Variants in CACNA1C observed in about 807,000 individuals in gnomAD.
The protein encoded by CACNA1C is voltage-dependent L-type calcium channel subunit alpha-1C.
A neutral mutation model predicts 229.0 loss-of-function variants in CACNA1C; 30 were observed. That is an observed-to-expected ratio of 0.13 (90% CI 0.10 to 0.18). CACNA1C has a LOEUF of 0.18. Ranked by LOEUF, CACNA1C falls within the 10% of genes least tolerant of loss-of-function variation. CACNA1C has a pLI of 1.00. For missense variants in CACNA1C, 1,658 were observed against 2,845.0 expected, an observed-to-expected ratio of 0.58 and a Z score of 9.49; for synonymous variants, 1,114 against 1,132.5, an observed-to-expected ratio of 0.98 and a Z score of 0.33.
At chr12:2,589,745 G>A (rs1167724377) in intron 18 of CACNA1C, among the ~76,000 whole-genome samples, 1 of 152,300 alleles carries the variant, frequency 6.6e-6, no homozygotes, top group South Asian at 2.1e-4. Context: ...GCAGAATGGG[G>A]GCAGGGAGGA....
chr12:2,278,638 TC>T (rs1367505027), intron 3 of CACNA1C, among the ~76,000 whole-genome samples: 1 of 152,230 alleles, frequency 6.6e-6, no homozygotes, highest in Non-Finnish European at 1.5e-5. Flanking sequence ...AGTTTATCCA[TC>T]CATGTTGAGC....
At chr12:1,986,012 ACCGTGTTAGC>A (rs2037617987) in intron 1 of CACNA1C, among the ~76,000 whole-genome samples, 1 of 151,972 alleles carries the variant, frequency 6.6e-6, no homozygotes, top group Non-Finnish European at 1.5e-5. Flanking sequence ...ATGGAGTTTC[ACCGTGTTAGC>A]CAGGATGGTC....
chr12:2,213,455 G>A (rs2059186124), intron 3 of CACNA1C, among the ~76,000 whole-genome samples: 3 of 152,234 alleles, frequency 2.0e-5, no homozygotes, highest in Middle Eastern at 3.4e-3. Flanking sequence ...AGGAGGAGGC[G>A]GCGAGATTAT....
chr12:2,031,975 G>A (rs1487618509), intron 1 of CACNA1C, among the ~76,000 whole-genome samples: 1 of 128,252 alleles, frequency 7.8e-6, no homozygotes, highest in African/African-American at 3.5e-5. Flanking sequence ...TTCTGTGTGA[G>A]TGTGTGTGTG....
intron 37 of CACNA1C, among the ~76,000 whole-genome samples, chr12:2,667,888 G>A (rs748442496): frequency 1.3e-5 from 2 of 152,196 alleles, no homozygotes; most frequent in South Asian, 2.1e-4. Flanking sequence ...TGGCATGGAC[G>A]CTGTGGTGAG....
chr12:2,282,997 G>T lies in CACNA1C; in HGVS notation c.477+162567G>T, dbSNP rs1219519981. Among the ~76,000 whole-genome samples, 3 of 151,734 alleles carry T rather than the reference G, an allele frequency of 2.0e-5. No homozygotes were observed. The East Asian group carries it at 5.8e-4, about 29-fold the overall frequency. On this transcript the variant is annotated intron_variant, in intron 3 of 46. Coordinates refer to ENST00000399655, the MANE Select transcript of CACNA1C (RefSeq NM_000719.7). ...TCAAGGCAGGTGGAACCAGGAAGGA[G>T]TGGAGCCAATAACACTCTGGCCCTT...
chr12:2,650,423 G>A (rs2094827717), intron 31 of CACNA1C, among the ~76,000 whole-genome samples: 1 of 152,154 alleles, frequency 6.6e-6, no homozygotes, highest in Non-Finnish European at 1.5e-5. Context: ...GGCCCAGGTG[G>A]CCCTAGTAAC....
chr12:2,432,753 G>C (rs544171973), intron 3 of CACNA1C, among the ~76,000 whole-genome samples: 1 of 152,288 alleles, frequency 6.6e-6, no homozygotes, highest in Non-Finnish European at 1.5e-5. Context: ...CCTTGAGCAG[G>C]TCCTTCCCCC....
At chr12:2,480,459 G>C (rs1187720464) in intron 5 of CACNA1C, among the ~76,000 whole-genome samples, 1 of 152,198 alleles carries the variant, frequency 6.6e-6, no homozygotes, top group Non-Finnish European at 1.5e-5. Context: ...ATGATTATTT[G>C]ACTAATGTTT....
chr12:2,219,595 C>A (rs2060913600), intron 3 of CACNA1C, among the ~76,000 whole-genome samples: 1 of 152,210 alleles, frequency 6.6e-6, no homozygotes, highest in Non-Finnish European at 1.5e-5. Context: ...CCTTGTCCAG[C>A]TTTTCCTGTT....
intron 3 of CACNA1C, among the ~76,000 whole-genome samples, chr12:2,326,799 C>T (rs1017137001): frequency 6.6e-6 from 1 of 152,230 alleles, no homozygotes; most frequent in African/African-American, 2.4e-5. Flanking sequence ...CATTTCATGT[C>T]ACTCAGAATG....
intron 3 of CACNA1C, among the ~76,000 whole-genome samples, chr12:2,311,811 A>AGCAT (rs1715746013): frequency 6.6e-6 from 1 of 152,262 alleles, no homozygotes; most frequent in African/African-American, 2.4e-5. Context: ...ATTTAAAAGT[A>AGCAT]GCATGAAAGT....
At chr12:2,636,396 T>C (rs914558655) in intron 30 of CACNA1C, among the ~76,000 whole-genome samples, 3 of 152,174 alleles carry the variant, frequency 2.0e-5, no homozygotes, top group Admixed American at 2.0e-4. Context: ...AAAAGCATTT[T>C]CTAGGATATA....
intron 3 of CACNA1C, among the ~76,000 whole-genome samples, chr12:2,259,557 G>T (rs2079251406): frequency 6.6e-6 from 1 of 152,228 alleles, no homozygotes; most frequent in Admixed American, 6.5e-5. Context: ...GAATTTTCCA[G>T]TGTCTTTTGA....
rs148199122 is a variant in CACNA1C, at chr12:2,005,651, G to A, written c.139+34450G>A. Among the ~76,000 whole-genome samples, 60 of 152,186 alleles carry A rather than the reference G, an allele frequency of 3.9e-4. 1 individual carries two copies. The highest frequency in any genetic ancestry group is 1.0e-3 in the African/African-American group (42 of 41,526). The stretch of plus-strand genomic sequence containing the variant: ...GAGATCAGTGATGATATTAATGAGC[G>A]CAATTTTAACAAATCTTGTATAATG... On this transcript the variant is annotated intron_variant, in intron 1 of 46. Coordinates refer to the CACNA1C transcript ENST00000682462.
chr12:2,688,634 A>G lies in CACNA1C; in HGVS notation c.5972A>G (p.His1991Arg), dbSNP rs779224687. ...CTCAACAGCAGCTTCCCATCCATCCACTGCGGCTCCTGGGCTGAGACCACC... is the reference window on the plus strand; with the variant it reads ...CTCAACAGCAGCTTCCCATCCATCCGCTGCGGCTCCTGGGCTGAGACCACC... ...EKLNSSFPSI[H>R]CGSWAETTPG... Residue 1991 changes from histidine (H) to arginine (R), a missense_variant, in exon 46 of 47, where the codon CAC becomes CGC. His to Arg is a conservative substitution (Grantham distance 29, BLOSUM62 0). This residue lies in a region of CACNA1C where 590 missense variants were observed against 700.8 expected (regional missense o/e 0.84). Transcript: ENST00000399655. The G allele has an allele frequency of 1.2e-6, 2 of 1,613,816 alleles. No individual in the cohort carries two copies. Among genetic ancestry groups the G allele is most frequent in the Non-Finnish European group, 1.7e-6 (2 of 1,179,842 alleles).
In CACNA1C at chr12:2,605,661, C is replaced by A; in HGVS notation, c.3049-18C>A. 6.3e-7 allele frequency: 1 copy of A among 1,594,148 alleles called. No homozygotes were observed. Among genetic ancestry groups the A allele is most frequent in the Non-Finnish European group, 8.6e-7 (1 of 1,162,032 alleles). On this transcript the variant is annotated intron_variant, in intron 23 of 46. Coordinates refer to ENST00000399655, the MANE Select transcript of CACNA1C (RefSeq NM_000719.7). The surrounding 1 kb of genome is among the most constrained non-coding windows in gnomAD (Gnocchi z 6.2). The stretch of plus-strand genomic sequence containing the variant: ...TCTCCTGAAGCCACGTCCCTCTCCC[C>A]GTCCCTTCCCACTGCAGCATGTGGT...
chr12:2,542,077 C>G (rs894266619), intron 9 of CACNA1C, among the ~76,000 whole-genome samples: 1 of 152,162 alleles, frequency 6.6e-6, no homozygotes, highest in African/African-American at 2.4e-5. Flanking sequence ...CAGCAGCGGG[C>G]ACCAAAGAGG....
At chr12:2,621,534 G>A (rs2153505300) in intron 29 of CACNA1C, among the ~76,000 whole-genome samples, 1 of 152,292 alleles carries the variant, frequency 6.6e-6, no homozygotes, top group South Asian at 2.1e-4. Context: ...GCCATTCAGT[G>A]GGGAGGATTA....
Sources: gnomAD v4.1 joint callset for allele counts (sites outside exome capture counted in the v4.1 genomes callset) on GRCh38, gnomAD v4.1.1 for gene constraint, gnomAD v4.1.1 regional missense constraint, Gnocchi (gnomAD v3.1) non-coding constraint, MANE v1.5 for transcripts, NCBI Gene and HGNC (gene_info 2026-07-23, HGNC 2026-07-21) for gene names.